The following BMS1 variants were observed in gnomAD, a reference collection of about 807,000 sequenced individuals.
The protein encoded by BMS1 is BMS1 ribosome biogenesis factor.
BMS1 carries 53 observed loss-of-function variants against 138.7 expected under a neutral mutation model. The ratio of observed to expected loss-of-function variants is 0.38; its 90% CI spans 0.31 to 0.48. The LOEUF (loss-of-function observed/expected upper bound fraction) is 0.48. BMS1 is among the 20% of genes least tolerant of loss of function. The pLI is 0.97. For synonymous variants in BMS1, 504 were observed against 539.9 expected, an observed-to-expected ratio of 0.93 and a Z score of 0.92; for missense variants, 1,360 against 1,565.5, an observed-to-expected ratio of 0.87 and a Z score of 2.22.
rs1218088928 is a variant in BMS1 at position 42,796,424 on chromosome 10, A to G, written c.1230-50A>G. The G allele has an allele frequency of 9.8e-6, 15 of 1,532,866 alleles. No homozygotes were observed. In the Admixed American group the frequency reaches 1.2e-4, roughly 12 times the overall value. 95.0% of individuals were successfully genotyped at this position (1,532,866 alleles called of 1,614,324 possible). A position where few individuals can be genotyped will look rare whatever the true frequency, so the allele number is the denominator to read the frequency against. On this transcript the variant is annotated intron_variant, in intron 9 of 22. Transcript: ENST00000374518. ...TTGACTATATTGCCATTTCTAGATT[A>G]GCTGATTAATGTACAAATTGAATTA...
At position 42,796,991 on chromosome 10, in the gene BMS1, A is replaced by G. The variant is rs1045405480; in HGVS notation, c.1747A>G (p.Thr583Ala). The G allele has an allele frequency of 2.5e-6, 4 of 1,614,122 alleles. No individual in the cohort carries two copies. The African/African-American group carries it at 5.3e-5, about 22-fold the overall frequency. The change falls in exon 10 of 23, where the codon ACA becomes GCA. Residue 583 changes from threonine (T) to alanine (A), a missense_variant. Thr to Ala is a moderately conservative substitution (Grantham distance 58). Transcript: ENST00000374518. ...ALPTFDSGHCTAEEVFASEDE... is the reference protein window; with the variant it reads ...ALPTFDSGHCAAEEVFASEDE... ...CCCCACTTTCGATTCTGGGCATTGCACAGCTGAAGAGGTGTTTGCATCTGA... is the reference window on the plus strand; with the variant it reads ...CCCCACTTTCGATTCTGGGCATTGCGCAGCTGAAGAGGTGTTTGCATCTGA...
rs546426012 is a variant in BMS1, at chr10:42,795,915, T to G, written c.1230-559T>G. 2.6e-5 allele frequency among the ~76,000 whole-genome samples: 4 copies of G among 152,340 alleles called. No homozygotes were observed. In the South Asian group the frequency reaches 8.3e-4, roughly 32 times the overall value. On this transcript the variant is annotated intron_variant, in intron 9 of 22. Coordinates refer to ENST00000374518, the MANE Select transcript of BMS1 (RefSeq NM_014753.4). Reference sequence around the variant, plus strand: ...CACTGCTGACTAATGCACTTGTGTTTTGTTCCATGGGTTATTTTCCATCAC... The same window carrying G: ...CACTGCTGACTAATGCACTTGTGTTGTGTTCCATGGGTTATTTTCCATCAC...
rs767058160 is a variant in BMS1 at position 42,797,377 on chromosome 10, G to T, written c.1988-45G>T. 7.5e-6 allele frequency: 12 copies of T among 1,603,798 alleles called. No individual in the cohort carries two copies. The African/African-American group carries it at 1.6e-4, about 21-fold the overall frequency. On this transcript the variant is annotated intron_variant, in intron 10 of 22. Coordinates refer to ENST00000374518, the MANE Select transcript of BMS1 (RefSeq NM_014753.4). ...TGTGGATGGATCTCAAGGGAGGGGAGACACATGAATAAGCCTAACTGGAGG... is the reference window on the plus strand; with the variant it reads ...TGTGGATGGATCTCAAGGGAGGGGATACACATGAATAAGCCTAACTGGAGG...
chr10:42,790,313 C>G lies in BMS1; in HGVS notation c.448-10C>G, dbSNP rs1296706351. ...TAGTTTCTTTGAGAAATTATGTGTT[C>G]TGCTTTTAGGTACTGATGCTTATAG... On this transcript the variant is annotated splice_polypyrimidine_tract_variant and intron_variant, in intron 4 of 22. Transcript: ENST00000374518. The G allele has an allele frequency of 6.2e-7, 1 of 1,612,890 alleles. No individual in the cohort carries two copies. Among genetic ancestry groups the G allele is most frequent in the Non-Finnish European group, 8.5e-7 (1 of 1,179,760 alleles).
rs140238109 is a variant in BMS1, at chr10:42,816,631, A to G, written c.2362A>G (p.Thr788Ala). ...CTACGGTGACTTTGAAGACTTGGAA[A>G]CAGGGGACGTGCACAAGGGAAAATC... The part of the protein sequence containing the change: ...ELYGDFEDLE[T>A]GDVHKGKSGP... The change falls in exon 14 of 23, where the codon ACA becomes GCA. Residue 788 changes from threonine to alanine, a missense_variant. By Grantham distance (58) the Thr-to-Ala change is moderately conservative. Around this residue, in one of 3 missense-constraint regions of BMS1, gnomAD observed 697 missense variants for 686.2 expected, o/e 1.02. Transcript: ENST00000374518. The G allele has an allele frequency of 1.1e-5, 18 of 1,611,376 alleles. No homozygotes were observed. In the African/African-American group the frequency reaches 1.5e-4, roughly 13 times the overall value.
At chr10:42,821,880 C>T (rs530730040) in intron 18 of BMS1, among the ~76,000 whole-genome samples, 182 bp from the exon 19 acceptor site, 1 of 152,244 alleles carries the variant, frequency 6.6e-6, no homozygotes, top group Non-Finnish European at 1.5e-5. Context: ...GTTTGGCTTA[C>T]CAACTTTAAA....
chr10:42,796,721 G>C lies in BMS1; in HGVS notation c.1477G>C (p.Asp493His), dbSNP rs779526254. The change falls in exon 10 of 23, where the codon GAC becomes CAC. Residue 493 changes from aspartate to histidine, a missense_variant. By Grantham distance (81) the Asp-to-His change is moderately conservative. This residue lies in a region of BMS1 where 697 missense variants were observed against 686.2 expected (regional missense o/e 1.02). Coordinates refer to ENST00000374518, the MANE Select transcript of BMS1 (RefSeq NM_014753.4). ...ACGACGGAAACTTGAGTTGGAAGAA[G>C]ACAGTGAAATGGATTTGCCAGCATT... ...IKRRKLELEE[D>H]SEMDLPAFAD... is the part of the protein sequence containing the mutation. 6.2e-7 allele frequency: 1 copy of C among 1,614,204 alleles called. No homozygotes were observed. Among genetic ancestry groups the C allele is most frequent in the Non-Finnish European group, 8.5e-7 (1 of 1,180,032 alleles).
chr10:42,830,985 G>A lies in BMS1; in HGVS notation c.3738G>A (p.Glu1246=). ...HFRAKQKEEE[E]KLKRQKDLRK... The stretch of plus-strand genomic sequence containing the variant: ...GAGCCAAGCAGAAGGAGGAGGAGGA[G>A]AAGCTGAAGCGGCAGAAGGACCTCA... Residue 1246 remains glutamate (E), a synonymous_variant, in exon 23 of 23, where the codon GAG becomes GAA. Coordinates refer to ENST00000374518, the MANE Select transcript of BMS1 (RefSeq NM_014753.4). 3 of 1,607,256 alleles carry A rather than the reference G, an allele frequency of 1.9e-6. No homozygotes were observed. The highest frequency in any genetic ancestry group is 2.5e-6 in the Non-Finnish European group (3 of 1,176,590).
chr10:42,820,813 G>T lies in BMS1; in HGVS notation c.2951-121G>T, dbSNP rs559191803. 8.3e-6 allele frequency: 11 copies of T among 1,318,552 alleles called. No individual in the cohort carries two copies. In the East Asian group the frequency reaches 2.4e-4, roughly 28 times the overall value. 81.7% of individuals were successfully genotyped at this position (1,318,552 alleles called of 1,614,324 possible). The stretch of plus-strand genomic sequence containing the variant: ...AGATTTTTCTCTTTTCTGGGAGCGG[G>T]GAGGTGGTTTGGAGTATATATGTAA... On this transcript the variant is annotated intron_variant, in intron 17 of 22. Coordinates refer to ENST00000374518, the MANE Select transcript of BMS1 (RefSeq NM_014753.4).
At position 42,820,602 on chromosome 10, in the gene BMS1, C is replaced by T. The variant is rs767593565; in HGVS notation, c.2864C>T (p.Pro955Leu). The change falls in exon 17 of 23, where the codon CCA becomes CTA. Residue 955 changes from proline (P) to leucine (L), a missense_variant. Physicochemically the swap from Pro to Leu is moderately conservative, Grantham distance 98 (BLOSUM62 -3). Coordinates refer to ENST00000374518, the MANE Select transcript of BMS1 (RefSeq NM_014753.4). ...GGGTGGAGGAGGTTTCAGACCATCC[C>T]ACTGTATTATATCGAAGACCACAAT... ...SVGWRRFQTIPLYYIEDHNGR... is the reference protein window; with the variant it reads ...SVGWRRFQTILLYYIEDHNGR... 6.2e-7 allele frequency: 1 copy of T among 1,611,872 alleles called. No homozygotes were observed. The highest frequency in any genetic ancestry group is 8.5e-7 in the Non-Finnish European group (1 of 1,179,758).
At chr10:42,794,911 C>G (rs1034085161) in intron 9 of BMS1, among the ~76,000 whole-genome samples, 1 of 152,094 alleles carries the variant, frequency 6.6e-6, no homozygotes, top group Non-Finnish European at 1.5e-5. Flanking sequence ...TATCCCTCCC[C>G]GCTCTGCCCA....
chr10:42,829,817 T>A (rs1842751504), intron 21 of BMS1, among the ~76,000 whole-genome samples: 1 of 141,548 alleles, frequency 7.1e-6, no homozygotes, highest in Non-Finnish European at 1.5e-5. Flanking sequence ...CAAGACTCCA[T>A]CTCAAAAAAA....
At chr10:42,803,648 G>A (rs1328997850) in intron 13 of BMS1, among the ~76,000 whole-genome samples, 2 of 152,086 alleles carry the variant, frequency 1.3e-5, no homozygotes, top group Non-Finnish European at 2.9e-5. Context: ...GGATTCTCCT[G>A]ACTATTCTCA....
In BMS1 at chr10:42,796,903, A is replaced by G. The variant is rs1306639371; in HGVS notation, c.1659A>G (p.Pro553=). 6.2e-7 allele frequency: 1 copy of G among 1,614,210 alleles called. No homozygotes were observed. The highest frequency in any genetic ancestry group is 1.7e-5 in the Admixed American group (1 of 60,034). Residue 553 remains proline (P), a synonymous_variant, in exon 10 of 23, where the codon CCA becomes CCG. Coordinates refer to ENST00000374518, the MANE Select transcript of BMS1 (RefSeq NM_014753.4). ...AAGGTAGTAAAGCAGGGCTGTCACCAGCTAATTGCCAGAGTGACCGTGTGA... is the reference window on the plus strand; with the variant it reads ...AAGGTAGTAAAGCAGGGCTGTCACCGGCTAATTGCCAGAGTGACCGTGTGA... ...AGEGSKAGLS[P]ANCQSDRVNL... is the part of the protein sequence containing the mutation.
Position 42,817,337 on chromosome 10 carries a change from A to T in BMS1, c.2423A>T (p.Glu808Val). 6.2e-7 allele frequency: 1 copy of T among 1,603,746 alleles called. No homozygotes were observed. The highest frequency in any genetic ancestry group is 1.1e-5 in the South Asian group (1 of 88,964). ...TTTAAGAATGAAGATATAGAGAAAG[A>T]AGTTAAGGAAGAAATTGACCCCGAC... ...PNTQNEDIEK[E>V]VKEEIDPDEE... The change falls in exon 15 of 23, where the codon GAA (glutamate) becomes GTA (valine). Residue 808 changes from glutamate to valine, a missense_variant. Transcript: ENST00000374518.
At chr10:42,788,470 C>A (rs922804449) in intron 4 of BMS1, among the ~76,000 whole-genome samples, 1 of 152,076 alleles carries the variant, frequency 6.6e-6, no homozygotes, top group Non-Finnish European at 1.5e-5. Context: ...ATATCCATCA[C>A]CTCAAACATT....
chr10:42,799,610 A>AAACCAC (rs1479540242), intron 12 of BMS1, among the ~76,000 whole-genome samples: 1 of 152,182 alleles, frequency 6.6e-6, no homozygotes, highest in Non-Finnish European at 1.5e-5. Flanking sequence ...CAGATATATA[A>AAACCAC]AACCACGTAA....
chr10:42,823,858 A>G lies in BMS1; in HGVS notation c.3456+74A>G, dbSNP rs558543380. On this transcript the variant is annotated intron_variant, in intron 21 of 22. Transcript: ENST00000374518. ...CAGGGAGTCACACAGACACTTTTCT[A>G]TAATTTCTTACATGCTTTGAATGTT... is the stretch of plus-strand genomic sequence containing the variant. 33 of 1,239,112 alleles carry G rather than the reference A, an allele frequency of 2.7e-5. No individual in the cohort carries two copies. The Admixed American group carries it at 6.5e-4, about 25-fold the overall frequency. The allele number at this position is 1,239,112 out of a possible 1,614,324, so 76.8% of individuals were successfully genotyped here.
chr10:42,809,178 T>G (rs954968852), intron 13 of BMS1, among the ~76,000 whole-genome samples: 1 of 152,144 alleles, frequency 6.6e-6, no homozygotes, highest in African/African-American at 2.4e-5. Context: ...TCATCAGTAT[T>G]ATGATTTTCA....
Sources: allele counts gnomAD v4.1 joint callset (sites outside exome capture counted in the v4.1 genomes callset), GRCh38; gene constraint gnomAD v4.1.1; regional missense constraint gnomAD v4.1.1; transcripts MANE v1.5; gene names NCBI Gene and HGNC (gene_info 2026-07-23, HGNC 2026-07-21).